Variants in LHX4 observed in about 807,000 individuals in gnomAD.
LHX4 encodes LIM homeobox 4.
LHX4 carries 16 observed loss-of-function variants against 39.2 expected under a neutral mutation model. The ratio of observed to expected loss-of-function variants is 0.41; its 90% confidence interval spans 0.28 to 0.62. The LOEUF is 0.62. Ranked by LOEUF, LHX4 falls within the 20% of genes least tolerant of loss-of-function variation. The pLI is 0.33. For synonymous variants in LHX4, 206 were observed against 198.1 expected, an observed-to-expected ratio of 1.04 and a Z score of -0.33; for missense variants, 439 against 511.9, an observed-to-expected ratio of 0.86 and a Z score of 1.37.
intron 5 of LHX4, chr1:180,273,596 T>C (rs796144271): frequency 5.9e-5 from 9 of 152,610 alleles, no homozygotes; most frequent in African/African-American, 1.9e-4. Context: ...GAAGGTTCAT[T>C]TGCCTTAATC....
rs1648309163 is a variant in LHX4, at chr1:180,266,288, G to C, written c.249-104G>C. 9.3e-7 allele frequency: 1 copy of C among 1,076,822 alleles called. No individual in the cohort carries two copies. The highest frequency in any genetic ancestry group is 1.3e-5 in the South Asian group (1 of 78,876). The allele number at this position is 1,076,822 out of a possible 1,614,324, so 66.7% of individuals were successfully genotyped here. The stretch of plus-strand genomic sequence containing the variant: ...GGGTGACTGGGGGGTGAGGCTCATG[G>C]AGTCCCGGAGTGGTGGGGTAGGAGG... On this transcript the variant is annotated intron_variant, in intron 2 of 5. Coordinates refer to ENST00000263726, the MANE Select transcript of LHX4 (RefSeq NM_033343.4). The surrounding 1 kb of genome is among the most constrained non-coding windows in gnomAD (Gnocchi z 5.7).
rs1364381167 is a variant in LHX4, at chr1:180,274,453, C to G, written c.1047C>G (p.Ser349Arg). The change falls in exon 6 of 6, where the codon AGC (serine) becomes AGG (arginine). Residue 349 changes from serine to arginine, a missense_variant. Ser to Arg is a moderately radical substitution (Grantham distance 110). Coordinates refer to ENST00000263726, the MANE Select transcript of LHX4 (RefSeq NM_033343.4). The stretch of plus-strand genomic sequence containing the variant: ...TTGCGCATGCAGGGCAGGGAGTAAG[C>G]CAGACGCTGAGAGCCATGGCTGGGG... ...GIIAHAGQGV[S>R]QTLRAMAGGP... is the part of the protein sequence containing the mutation. 3 of 1,614,178 alleles carry G rather than the reference C, an allele frequency of 1.9e-6. No individual in the cohort carries two copies. Among genetic ancestry groups the G allele is most frequent in the Non-Finnish European group, 2.5e-6 (3 of 1,180,034 alleles).
chr1:180,243,217 G>A (rs551703662), intron 1 of LHX4, among the ~76,000 whole-genome samples: 24 of 151,956 alleles, frequency 1.6e-4, no homozygotes, highest in African/African-American at 5.3e-4. Flanking sequence ...TCAAACTCCC[G>A]GCCTCAAATG....
intron 2 of LHX4, among the ~76,000 whole-genome samples, chr1:180,257,793 G>A (rs1471677445): frequency 3.3e-5 from 5 of 152,294 alleles, no homozygotes; most frequent in African/African-American, 4.8e-5. Flanking sequence ...GCAGCTCCAC[G>A]CACAGGAGGC....
intron 2 of LHX4, among the ~76,000 whole-genome samples, chr1:180,263,295 G>A (rs1648178982): frequency 6.6e-6 from 1 of 152,252 alleles, no homozygotes; most frequent in African/African-American, 2.4e-5. Context: ...CGCAGGGCAA[G>A]TCATGTGACC....
intron 2 of LHX4, among the ~76,000 whole-genome samples, chr1:180,250,653 A>T (rs567869762): frequency 6.6e-6 from 1 of 152,308 alleles, no homozygotes; most frequent in South Asian, 2.1e-4. Flanking sequence ...AAAGCCTGGC[A>T]GGGCCACTGA....
Position 180,274,794 on chromosome 1 carries a change from A to G in LHX4, c.*215A>G. 1 of 571,258 alleles carries G rather than the reference A, an allele frequency of 1.8e-6. No individual in the cohort carries two copies. The highest frequency in any genetic ancestry group is 2.5e-5 in the South Asian group (1 of 40,426). 35.4% of individuals were successfully genotyped at this position (571,258 alleles called of 1,614,324 possible). On this transcript the variant is annotated 3_prime_UTR_variant, in exon 6 of 6. Transcript: ENST00000263726. ...GGAGAGCAGACTCATCTCAGAACAC[A>G]GCACAGGGGGTAATGGCCTAGAGCT...
At chr1:180,262,942 T>A (rs951645044) in intron 2 of LHX4, among the ~76,000 whole-genome samples, 1 of 152,172 alleles carries the variant, frequency 6.6e-6, no homozygotes, top group Admixed American at 6.5e-5. Context: ...TTCTCTGTGG[T>A]TTTGGATCAG....
intron 2 of LHX4, among the ~76,000 whole-genome samples, chr1:180,262,893 T>TG (rs1648165095): frequency 6.6e-6 from 1 of 152,220 alleles, no homozygotes; most frequent in African/African-American, 2.4e-5. Flanking sequence ...GGTTAGAGGA[T>TG]GAAAATAATA....
chr1:180,249,889 G>A (rs141551897), intron 2 of LHX4, among the ~76,000 whole-genome samples: 12 of 150,366 alleles, frequency 8.0e-5, no homozygotes, highest in African/African-American at 3.0e-4. Flanking sequence ...GTGTGTGAGT[G>A]TGTGTATGAG....
intron 2 of LHX4, among the ~76,000 whole-genome samples, chr1:180,264,378 A>AACACACACACACACACACACAC (rs10561933): frequency 0.017 from 2,524 of 145,318 alleles, 41 homozygotes; most frequent in Middle Eastern, 0.047. Context: ...ACACACACAT[A>AACACACACACACACACACACAC]ACACACACAC....
At chr1:180,270,400 T>C (rs1043744) in intron 3 of LHX4, 63,612 of 152,178 alleles carry the variant, frequency 0.42, 15,291 homozygotes, top group South Asian at 0.61. Flanking sequence ...CTGCTGACTT[T>C]ATTCCGTGTG....
rs1649195773 is a variant in LHX4 at position 180,278,756 on chromosome 1, T to C, written c.*4177T>C. ...CCCAGATCCCCTCAGCTCTGGATCG[T>C]TGCCCTCATCCTTCACAATGTAAAT... On this transcript the variant is annotated 3_prime_UTR_variant, in exon 6 of 6. Coordinates refer to ENST00000263726, the MANE Select transcript of LHX4 (RefSeq NM_033343.4). 1 of 152,036 alleles carries C rather than the reference T, an allele frequency of 6.6e-6. No homozygotes were observed. The highest frequency in any genetic ancestry group is 1.5e-5 in the Non-Finnish European group (1 of 68,014). 9.4% of individuals were successfully genotyped at this position (152,036 alleles called of 1,614,324 possible).
At chr1:180,229,536 C>T (rs1664111712), upstream of LHX4, among the ~76,000 whole-genome samples, 1 of 152,164 alleles carries the variant, frequency 6.6e-6, no homozygotes, top group African/African-American at 2.4e-5. Context: ...TACGGGCTGT[C>T]CCTTGGCCCA....
At position 180,230,375 on chromosome 1, in the gene LHX4, G is replaced by T; in HGVS notation, c.-155G>T. 1.5e-6 allele frequency: 1 copy of T among 685,444 alleles called. No individual in the cohort carries two copies. The highest frequency in any genetic ancestry group is 1.6e-5 in the South Asian group (1 of 61,842). The allele number at this position is 685,444 out of a possible 1,614,324, so 42.5% of individuals were successfully genotyped here. On this transcript the variant is annotated 5_prime_UTR_variant, in exon 1 of 6. Transcript: ENST00000263726. This position sits in a 1 kb window ranked among gnomAD's most constrained non-coding sequence, Gnocchi z 5.8. ...GCGGGGGGAGGGGGCCGGCCAGCCT[G>T]TGGAGTCCTCCCTGAGAAGCGGAGG... is the stretch of plus-strand genomic sequence containing the variant.
Position 180,274,397 on chromosome 1 carries a change from G to T in LHX4, c.991G>T (p.Asp331Tyr). 1 of 1,614,194 alleles carries T rather than the reference G, an allele frequency of 6.2e-7. No homozygotes were observed. The highest frequency in any genetic ancestry group is 8.5e-7 in the Non-Finnish European group (1 of 1,180,042). The change falls in exon 6 of 6, where the codon GAT becomes TAT. Residue 331 changes from aspartate (D) to tyrosine (Y), a missense_variant. By Grantham distance (160) the Asp-to-Tyr change is radical (BLOSUM62 -3). Transcript: ENST00000263726. Reference protein sequence around the residue: ...PSHAPLLNGLDYTVDSNLGII... With the variant: ...PSHAPLLNGLYYTVDSNLGII... ...CCACGCTCCTTTGCTCAATGGGCTG[G>T]ATTACACGGTGGACAGTAATTTGGG...
intron 2 of LHX4, among the ~76,000 whole-genome samples, chr1:180,253,359 G>A (rs1013002279): frequency 6.6e-6 from 1 of 152,198 alleles, no homozygotes; most frequent in Non-Finnish European, 1.5e-5. Flanking sequence ...CCTTCCTCTG[G>A]AGCACAGCAC....
chr1:180,272,898 TG>T (rs1409457210), intron 5 of LHX4: 1 of 152,222 alleles, frequency 6.6e-6, no homozygotes, highest in Non-Finnish European at 1.5e-5. Context: ...TTTGTATACC[TG>T]GAAGGCATGA....
In LHX4 at chr1:180,234,261, A is replaced by G. The variant is rs1664260695; in HGVS notation, c.76+3656A>G. The stretch of plus-strand genomic sequence containing the variant: ...TATCATATTCCGAACATTCCGATAT[A>G]GCAGCTGTAGGCACCATAGACCTCC... On this transcript the variant is annotated intron_variant, in intron 1 of 5. Coordinates refer to ENST00000263726, the MANE Select transcript of LHX4 (RefSeq NM_033343.4). The surrounding 1 kb of genome is among the most constrained non-coding windows in gnomAD (Gnocchi z 4.8). Among the ~76,000 whole-genome samples, 1 of 144,994 alleles carries G rather than the reference A, an allele frequency of 6.9e-6. No individual in the cohort carries two copies. Among genetic ancestry groups the G allele is most frequent in the African/African-American group, 2.5e-5 (1 of 39,318 alleles).
Sources: gnomAD v4.1 joint callset for allele counts (sites outside exome capture counted in the v4.1 genomes callset) on GRCh38, gnomAD v4.1.1 for gene constraint, Gnocchi (gnomAD v3.1) non-coding constraint, MANE v1.5 for transcripts, NCBI Gene and HGNC (gene_info 2026-07-23, HGNC 2026-07-21) for gene names.